Variants in UGGT1 observed in about 807,000 individuals in gnomAD.
The protein encoded by UGGT1 is UDP-glucose glycoprotein glucosyltransferase 1, also known as UDP-glucose:glycoprotein glucosyltransferase 1.
UGGT1 carries 107 observed loss-of-function variants against 203.9 expected under a neutral mutation model. That is an observed-to-expected ratio of 0.52 (90% confidence interval 0.45 to 0.62). UGGT1 has a LOEUF of 0.62. Among genes scored for constraint, UGGT1 ranks in the 20% least tolerant of loss-of-function variants. UGGT1 has a pLI of 0.00. For synonymous variants in UGGT1, 628 were observed against 653.5 expected, an observed-to-expected ratio of 0.96 and a Z score of 0.59; for missense variants, 1,673 against 1,867.2, an observed-to-expected ratio of 0.90 and a Z score of 1.92.
rs764377790 is a variant in UGGT1 at position 128,152,784 on chromosome 2, G to A, written c.2017G>A (p.Gly673Ser). Reference sequence around the variant, plus strand: ...TCAACCTCCTTTTTTTTTCTTGCAGGGTGAACTGCCCCATGATCAAGATGT... The same window carrying A: ...TCAACCTCCTTTTTTTTTCTTGCAGAGTGAACTGCCCCATGATCAAGATGT... ...TTFFQRAVYL[G>S]ELPHDQDVVE... Residue 673 changes from glycine (G) to serine (S), a missense_variant and splice_region_variant, in exon 19 of 41, where the codon GGT (glycine) becomes AGT (serine). This residue lies in a region of UGGT1 where 1,073 missense variants were observed against 1,078.7 expected (regional missense o/e 0.99). Transcript: ENST00000259253. 3 of 1,592,660 alleles carry A rather than the reference G, an allele frequency of 1.9e-6. No individual in the cohort carries two copies. Among genetic ancestry groups the A allele is most frequent in the African/African-American group, 1.4e-5 (1 of 73,700 alleles).
chr2:128,187,306 C>A, intron 39 of UGGT1, 143 bp from the exon 40 acceptor site: 1 of 840,970 alleles, frequency 1.2e-6, no homozygotes, highest in South Asian at 2.1e-5. Flanking sequence ...TAGCCCACTA[C>A]CATATTGCTT....
chr2:128,138,119 T>C (rs1042048621), intron 15 of UGGT1, among the ~76,000 whole-genome samples: 2 of 152,208 alleles, frequency 1.3e-5, no homozygotes, highest in African/African-American at 4.8e-5. Context: ...CTTAAAACTA[T>C]AGCAACGCTC....
At chr2:128,142,998 A>G in intron 16 of UGGT1, 96 bp from the exon 17 acceptor site, 2 of 1,264,316 alleles carry the variant, frequency 1.6e-6, no homozygotes, top group Non-Finnish European at 1.1e-6. Context: ...AAAGAAAAAT[A>G]AGTATATTTT....
chr2:128,112,077 C>T lies in UGGT1; in HGVS notation c.522-1007C>T, dbSNP rs1687883747. ...TGAGCTGAGCGATCACGCGACTGTG[C>T]TCTAGCCTAAGTGACAGACTGAGGA... On this transcript the variant is annotated intron_variant, in intron 5 of 40. Transcript: ENST00000259253. Among the ~76,000 whole-genome samples, 2 of 151,568 alleles carry T rather than the reference C, an allele frequency of 1.3e-5. 1 individual carries two copies. The highest frequency in any genetic ancestry group is 4.2e-4 in the South Asian group (2 of 4,796).
At position 128,161,234 on chromosome 2, in the gene UGGT1, T is replaced by G. The variant is rs757202456; in HGVS notation, c.2791T>G (p.Ser931Ala). The G allele has an allele frequency of 1.2e-6, 2 of 1,613,998 alleles. No individual in the cohort carries two copies. The highest frequency in any genetic ancestry group is 1.7e-6 in the Non-Finnish European group (2 of 1,179,948). Residue 931 changes from serine (S) to alanine (A), a missense_variant, in exon 25 of 41, where the codon TCT becomes GCT. This residue lies in a region of UGGT1 where 1,073 missense variants were observed against 1,078.7 expected (regional missense o/e 0.99). Coordinates refer to ENST00000259253, the MANE Select transcript of UGGT1 (RefSeq NM_020120.4). ...ILKTSGQKIK[S>A]HIQQLRVEED... ...AAAAACCTCAGGACAGAAAATAAAA[T>G]CTCATATTCAACAGCTTCGGGTAGA... is the stretch of plus-strand genomic sequence containing the variant.
At chr2:128,119,884 A>C (rs757269413) in intron 8 of UGGT1, among the ~76,000 whole-genome samples, 1 of 152,000 alleles carries the variant, frequency 6.6e-6, no homozygotes, top group Non-Finnish European at 1.5e-5. Context: ...AAAATAAAAC[A>C]GGTCAGTAAA....
chr2:128,178,421 C>A, intron 33 of UGGT1, 47 bp from the exon 34 acceptor site: 1 of 1,482,602 alleles, frequency 6.7e-7, no homozygotes. Flanking sequence ...GGCCGTGTGT[C>A]TGTATGAGTG....
At chr2:128,130,067 C>T (rs1374122136) in intron 13 of UGGT1, among the ~76,000 whole-genome samples, 4 of 152,130 alleles carry the variant, frequency 2.6e-5, no homozygotes, top group African/African-American at 7.2e-5. Flanking sequence ...TTGAGACCAG[C>T]CTGGCCAACA....
In UGGT1 at chr2:128,156,456, T is replaced by C. The variant is rs1352722433; in HGVS notation, c.2260+41T>C. 4 of 1,501,646 alleles carry C rather than the reference T, an allele frequency of 2.7e-6. No individual in the cohort carries two copies. The African/African-American group carries it at 5.5e-5, about 21-fold the overall frequency. 93.0% of individuals were successfully genotyped at this position (1,501,646 alleles called of 1,614,324 possible). A position where few individuals can be genotyped will look rare whatever the true frequency, so the allele number is the denominator to read the frequency against. ...AGAATGTTCTATTTCTTAATTTTCT[T>C]CTTTGGTTTCAGTGACCATTGTAAT... On this transcript the variant is annotated intron_variant, in intron 21 of 40. Coordinates refer to ENST00000259253, the MANE Select transcript of UGGT1 (RefSeq NM_020120.4).
At chr2:128,097,943 C>A (rs1298774932) in intron 2 of UGGT1, among the ~76,000 whole-genome samples, 6 of 152,144 alleles carry the variant, frequency 3.9e-5, no homozygotes, top group Admixed American at 3.9e-4. Context: ...CTCACTGTGA[C>A]CTCCGCCTCC....
intron 36 of UGGT1, 36 bp from the exon 37 acceptor site, chr2:128,182,094 A>G (rs776557648): frequency 1.2e-5 from 20 of 1,604,614 alleles, no homozygotes; most frequent in African/African-American, 2.7e-5. Flanking sequence ...AGCTGTCTGC[A>G]TGGTTGCTTA....
At chr2:128,139,220 A>G (rs1366500767) in intron 16 of UGGT1, among the ~76,000 whole-genome samples, 4 of 152,192 alleles carry the variant, frequency 2.6e-5, no homozygotes, top group Admixed American at 1.3e-4. Context: ...TTGTTTGAAT[A>G]TATCTTCCAC....
chr2:128,188,686 T>C (rs1037389348), intron 40 of UGGT1, among the ~76,000 whole-genome samples: 6 of 152,232 alleles, frequency 3.9e-5, no homozygotes, highest in African/African-American at 1.4e-4. Flanking sequence ...GGCTCATGCC[T>C]ATAATCCTAG....
intron 7 of UGGT1, 102 bp downstream of exon 7, chr2:128,115,322 T>A: frequency 9.9e-7 from 1 of 1,009,450 alleles, no homozygotes; most frequent in South Asian, 1.5e-5. Flanking sequence ...ATGCTGAACC[T>A]GTGTTTGCAT....
chr2:128,167,707 T>C (rs1690864493), intron 26 of UGGT1, among the ~76,000 whole-genome samples: 1 of 152,238 alleles, frequency 6.6e-6, no homozygotes, highest in Admixed American at 6.5e-5. Flanking sequence ...TCTGGTCTTT[T>C]CTCTGCACAA....
intron 1 of UGGT1, among the ~76,000 whole-genome samples, chr2:128,092,830 A>G (rs750866115): frequency 9.9e-5 from 15 of 151,904 alleles, no homozygotes; most frequent in Non-Finnish European, 1.9e-4. Flanking sequence ...ATGGTTGTTG[A>G]TAGTTGGGCC....
At chr2:128,135,568 T>C (rs1156796514) in intron 15 of UGGT1, among the ~76,000 whole-genome samples, 1 of 152,188 alleles carries the variant, frequency 6.6e-6, no homozygotes, top group Non-Finnish European at 1.5e-5. Context: ...AAGAAGAAAA[T>C]AACTCTTTAT....
At chr2:128,161,944 G>A (rs1690546480) in intron 25 of UGGT1, among the ~76,000 whole-genome samples, 1 of 152,152 alleles carries the variant, frequency 6.6e-6, no homozygotes, top group Non-Finnish European at 1.5e-5. Flanking sequence ...CTTTCCCACA[G>A]TGGCTGTACC....
At chr2:128,143,273 C>A in intron 17 of UGGT1, 48 bp downstream of exon 17, 3 of 1,552,822 alleles carry the variant, frequency 1.9e-6, no homozygotes, top group African/African-American at 1.4e-5. Flanking sequence ...ATTGTACTGT[C>A]CTTAACCCCG....
Sources: gnomAD v4.1 joint callset for allele counts (sites outside exome capture counted in the v4.1 genomes callset) on GRCh38, gnomAD v4.1.1 for gene constraint, gnomAD v4.1.1 regional missense constraint, MANE v1.5 for transcripts, NCBI Gene and HGNC (gene_info 2026-07-23, HGNC 2026-07-21) for gene names.